The following ZNF169 variants were observed in gnomAD, a reference collection of about 807,000 sequenced individuals.
ZNF169 encodes the protein zinc finger protein 169.
In ZNF169, 11 loss-of-function variants were observed where a neutral mutation model predicts 12.0. The ratio of observed to expected loss-of-function variants is 0.92; its 90% CI spans 0.58 to 1.52. The LOEUF is 1.52. Among genes scored for constraint, ZNF169 ranks in the 40% most tolerant of loss-of-function variants. The probability of loss-of-function intolerance (pLI) is 0.00; values close to 1 mark genes in which losing one functional copy is unlikely to be tolerated. For missense variants in ZNF169, 722 were observed against 744.0 expected, an observed-to-expected ratio of 0.97 and a Z score of 0.34; for synonymous variants, 302 against 286.5, an observed-to-expected ratio of 1.05 and a Z score of -0.55.
rs1830881696 is a variant in ZNF169 at position 94,293,070 on chromosome 9, G to C, written c.256+1G>C. Reference sequence around the variant, plus strand: ...GAACATCTTCTGGACCTTTGTCCAGGTGAGTGGGAAGCCCTGGGCAAGCGA... The same window carrying C: ...GAACATCTTCTGGACCTTTGTCCAGCTGAGTGGGAAGCCCTGGGCAAGCGA... On this transcript the variant is annotated splice_donor_variant, in intron 4 of 4. Transcript: ENST00000395395. LOFTEE classifies it high-confidence loss of function. 6.2e-7 allele frequency: 1 copy of C among 1,612,036 alleles called. No homozygotes were observed. The highest frequency in any genetic ancestry group is 1.3e-5 in the African/African-American group (1 of 75,030).
chr9:94,272,058 T>C (rs1587672918), intron 1 of ZNF169, among the ~76,000 whole-genome samples: 5 of 152,208 alleles, frequency 3.3e-5, no homozygotes, highest in East Asian at 3.8e-4. Flanking sequence ...GTAAACCTTA[T>C]GATTAAAGGA....
Position 94,278,764 on chromosome 9 carries a change from C to T in ZNF169, c.-49C>T, listed in dbSNP as rs767187865. The T allele has an allele frequency of 1.3e-6, 2 of 1,598,710 alleles. No homozygotes were observed. The highest frequency in any genetic ancestry group is 8.6e-7 in the Non-Finnish European group (1 of 1,168,416). On this transcript the variant is annotated 5_prime_UTR_variant, in exon 2 of 5. Coordinates refer to ENST00000395395, the MANE Select transcript of ZNF169 (RefSeq NM_194320.4). ...TTCTCATCTCTTTCCCCAGATTTGC[C>T]TCTGCAACTTGACTCTCCTCTAGGA...
At chr9:94,276,586 G>T (rs1830523845) in intron 1 of ZNF169, among the ~76,000 whole-genome samples, 3 of 151,972 alleles carry the variant, frequency 2.0e-5, no homozygotes, top group African/African-American at 7.2e-5. Flanking sequence ...TAGAAACAGG[G>T]TTTCACCATC....
intron 1 of ZNF169, among the ~76,000 whole-genome samples, chr9:94,270,832 T>TATATATATTATATTATATATATAAATA (rs1830395437): frequency 1.1e-4 from 1 of 8,978 alleles, no homozygotes; most frequent in African/African-American, 1.9e-4. Flanking sequence ...ATATATAAAA[T>TATATATATTATATTATATATATAAATA]ATATATATTA....
intron 1 of ZNF169, among the ~76,000 whole-genome samples, chr9:94,276,583 A>G (rs1296251515): frequency 2.0e-5 from 3 of 152,140 alleles, no homozygotes; most frequent in South Asian, 2.1e-4. Flanking sequence ...TAGTAGAAAC[A>G]GGGTTTCACC....
In ZNF169 at chr9:94,300,397, A is replaced by G. The variant is rs772303242; in HGVS notation, c.839A>G (p.His280Arg). The change falls in exon 5 of 5, where the codon CAC becomes CGC. Residue 280 changes from histidine (H) to arginine (R), a missense_variant. By Grantham distance (29) the His-to-Arg change is conservative (BLOSUM62 0). Transcript: ENST00000395395. Reference sequence around the variant, plus strand: ...AGCCAGAAGGCCTCCCTCTCCATACACCAGAGGAAGCACTCGGGGGAGAAG... The same window carrying G: ...AGCCAGAAGGCCTCCCTCTCCATACGCCAGAGGAAGCACTCGGGGGAGAAG... ...RFSQKASLSIHQRKHSGEKPY... is the reference protein window; with the variant it reads ...RFSQKASLSIRQRKHSGEKPY... 4.3e-6 allele frequency: 7 copies of G among 1,613,638 alleles called. No homozygotes were observed. In the Admixed American group the frequency reaches 8.3e-5, roughly 19 times the overall value.
rs1831034411 is a variant in ZNF169, at chr9:94,300,265, G to A, written c.707G>A (p.Cys236Tyr). 4 of 1,614,234 alleles carry A rather than the reference G, an allele frequency of 2.5e-6. No individual in the cohort carries two copies. The highest frequency in any genetic ancestry group is 3.4e-6 in the Non-Finnish European group (4 of 1,180,036). ...TTCAGCCACCAGAAGCATCATGTGT[G>A]CCCTGAATGCGGGAGAGGCTTTTGC... ...SLFSHQKHHV[C>Y]PECGRGFCQR... Residue 236 changes from cysteine (C) to tyrosine (Y), a missense_variant, in exon 5 of 5, where the codon TGC becomes TAC. Cys to Tyr is a radical substitution (Grantham distance 194). Coordinates refer to ENST00000395395, the MANE Select transcript of ZNF169 (RefSeq NM_194320.4).
At chr9:94,293,403 C>T in intron 4 of ZNF169, 1 of 596,852 alleles carries the variant, frequency 1.7e-6, no homozygotes, top group Non-Finnish European at 2.9e-6. Flanking sequence ...AGTCCCTGCC[C>T]CTGGTTTTTT....
At chr9:94,260,906 G>C (rs10993120) in intron 1 of ZNF169, among the ~76,000 whole-genome samples, 34,109 of 127,428 alleles carry the variant, frequency 0.27, 6,181 homozygotes, top group Middle Eastern at 0.36. Context: ...CTGCAACCAC[G>C]GCCTCCCGGG....
intron 2 of ZNF169, among the ~76,000 whole-genome samples, chr9:94,282,525 T>A (rs185853324): frequency 2.2e-4 from 33 of 152,306 alleles, no homozygotes; most frequent in African/African-American, 6.5e-4. Context: ...GAGTTTCTGA[T>A]TAGCCTCTCC....
Position 94,300,322 on chromosome 9 carries a change from C to G in ZNF169, c.764C>G (p.Thr255Arg). Reference protein sequence around the residue: ...QRSDLIKHQRTHTGEKPYLCP... With the variant: ...QRSDLIKHQRRHTGEKPYLCP... ...TCAGACCTTATCAAGCACCAGAGGA[C>G]ACACACCGGGGAGAAGCCATACCTG... Residue 255 changes from threonine (T) to arginine (R), a missense_variant, in exon 5 of 5, where the codon ACA becomes AGA. By Grantham distance (71) the Thr-to-Arg change is moderately conservative. Transcript: ENST00000395395. The G allele has an allele frequency of 6.2e-7, 1 of 1,614,134 alleles. No individual in the cohort carries two copies. The highest frequency in any genetic ancestry group is 8.5e-7 in the Non-Finnish European group (1 of 1,180,012).
chr9:94,291,993 G>T (rs776407920), intron 2 of ZNF169, among the ~76,000 whole-genome samples: 1 of 152,212 alleles, frequency 6.6e-6, no homozygotes, highest in African/African-American at 2.4e-5. Flanking sequence ...TGCATAGAAA[G>T]GCACAGGCAC....
chr9:94,288,870 G>A, intron 2 of ZNF169, among the ~76,000 whole-genome samples: 1 of 151,996 alleles, frequency 6.6e-6, no homozygotes, highest in East Asian at 1.9e-4. Context: ...CTTTATAGCA[G>A]GGTCCCCTGA....
chr9:94,301,191 G>C lies in ZNF169; in HGVS notation c.1633G>C (p.Asp545His). Residue 545 changes from aspartate to histidine, a missense_variant, in exon 5 of 5, where the codon GAT becomes CAT. Transcript: ENST00000395395. Reference sequence around the variant, plus strand: ...CTCAGGAGAGAAGCCCTGCATTTGCGATGAATGTGGGCGCGGCTTTGGCTT... The same window carrying C: ...CTCAGGAGAGAAGCCCTGCATTTGCCATGAATGTGGGCGCGGCTTTGGCTT... ...THSGEKPCIC[D>H]ECGRGFGFKS... The C allele has an allele frequency of 2.5e-6, 4 of 1,613,820 alleles. No individual in the cohort carries two copies. Among genetic ancestry groups the C allele is most frequent in the Admixed American group, 3.3e-5 (2 of 59,994 alleles).
intron 4 of ZNF169, chr9:94,294,557 C>T (rs1322863788): frequency 6.6e-6 from 1 of 152,194 alleles, no homozygotes; most frequent in African/African-American, 2.4e-5. Flanking sequence ...GCAGCTTATG[C>T]TCCCAGCAGG....
At position 94,299,942 on chromosome 9, in the gene ZNF169, C is replaced by T; in HGVS notation, c.384C>T (p.Asp128=). 1 of 1,614,132 alleles carries T rather than the reference C, an allele frequency of 6.2e-7. No individual in the cohort carries two copies. Among genetic ancestry groups the T allele is most frequent in the Admixed American group, 1.7e-5 (1 of 60,008 alleles). The part of the protein sequence containing the change: ...QIFPSSSAGG[D]FQLEAPRCSS... ...TCCCAAGCTCATCTGCAGGAGGTGA[C>T]TTCCAACTAGAAGCTCCAAGATGCT... The change falls in exon 5 of 5, where the codon GAC becomes GAT. Residue 128 remains aspartate (D), a synonymous_variant. Coordinates refer to ENST00000395395, the MANE Select transcript of ZNF169 (RefSeq NM_194320.4).
At chr9:94,270,566 C>A in intron 1 of ZNF169, among the ~76,000 whole-genome samples, 1 of 133,210 alleles carries the variant, frequency 7.5e-6, no homozygotes, top group African/African-American at 2.8e-5. Context: ...TCATGAATAG[C>A]CATTGAATTT....
In ZNF169 at chr9:94,287,001, G is replaced by A. The variant is rs1830730076; in HGVS notation, c.34-5340G>A. Among the ~76,000 whole-genome samples the A allele has an allele frequency of 3.3e-5, 5 of 152,246 alleles. No homozygotes were observed. The South Asian group carries it at 1.0e-3, about 32-fold the overall frequency. On this transcript the variant is annotated intron_variant, in intron 2 of 4. Transcript: ENST00000395395. ...GAGTTTGTACACACAATCAAGCAAT[G>A]AGCCTCTCATCAATTAGGGTTAGGA...
At chr9:94,268,955 T>G (rs7048662) in intron 1 of ZNF169, among the ~76,000 whole-genome samples, 11,497 of 151,444 alleles carry the variant, frequency 0.076, 605 homozygotes, top group Middle Eastern at 0.13. Flanking sequence ...AGGAAAGAAA[T>G]AAACAAAAAC....
Sources: gnomAD v4.1 joint callset for allele counts (sites outside exome capture counted in the v4.1 genomes callset) on GRCh38, gnomAD v4.1.1 for gene constraint, MANE v1.5 for transcripts, NCBI Gene and HGNC (gene_info 2026-07-23, HGNC 2026-07-21) for gene names.